HMGCLL1: variants seen among roughly 807,000 people sequenced by gnomAD.
The protein encoded by HMGCLL1 is 3-hydroxy-3-methylglutaryl-CoA lyase like 1.
In HMGCLL1, 36 loss-of-function variants were observed where a neutral mutation model predicts 39.1. The ratio of observed to expected loss-of-function variants is 0.92; its 90% CI spans 0.71 to 1.22. The LOEUF (loss-of-function observed/expected upper bound fraction) is 1.22. Among genes scored for constraint, HMGCLL1 ranks in the 50% most tolerant of loss-of-function variants. The probability of loss-of-function intolerance (pLI) is 0.00; values close to 1 mark genes in which losing one functional copy is unlikely to be tolerated. For missense variants in HMGCLL1, 451 were observed against 416.5 expected, an observed-to-expected ratio of 1.08 and a Z score of -0.72; for synonymous variants, 149 against 144.0, an observed-to-expected ratio of 1.03 and a Z score of -0.25.
At chr6:55,559,183 A>G (rs1770815965) in intron 1 of HMGCLL1, among the ~76,000 whole-genome samples, 1 of 152,208 alleles carries the variant, frequency 6.6e-6, no homozygotes, top group Admixed American at 6.5e-5. Context: ...CCCGCCAAAA[A>G]AAGTCCACGA....
At chr6:55,581,279 G>C (rs530174579), upstream of HMGCLL1, among the ~76,000 whole-genome samples, 1 of 151,986 alleles carries the variant, frequency 6.6e-6, no homozygotes, top group Non-Finnish European at 1.5e-5. Flanking sequence ...ATAGTGATAC[G>C]TGTTTTTTTA....
intron 7 of HMGCLL1, among the ~76,000 whole-genome samples, chr6:55,448,632 C>T (rs1416766029): frequency 6.6e-6 from 1 of 152,042 alleles, no homozygotes; most frequent in African/African-American, 2.4e-5. Context: ...CATTCAAATT[C>T]TGTAGATGAT....
At chr6:55,569,317 G>A (rs964714688) in intron 1 of HMGCLL1, among the ~76,000 whole-genome samples, 1 of 152,154 alleles carries the variant, frequency 6.6e-6, no homozygotes, top group African/African-American at 2.4e-5. Context: ...TACAGGGGTA[G>A]AGGAGTAGCA....
At chr6:55,569,620 A>ATTGT (rs1464161070) in intron 1 of HMGCLL1, among the ~76,000 whole-genome samples, 1 of 152,206 alleles carries the variant, frequency 6.6e-6, no homozygotes. Flanking sequence ...TGTAAGGATT[A>ATTGT]AATGAGCTAC....
chr6:55,555,263 T>C (rs1177921290), intron 1 of HMGCLL1, among the ~76,000 whole-genome samples: 2 of 152,158 alleles, frequency 1.3e-5, no homozygotes, highest in Non-Finnish European at 2.9e-5. Context: ...TCTTCCCCTA[T>C]ATATATCTGT....
At chr6:55,490,375 A>G (rs1031624328) in intron 7 of HMGCLL1, among the ~76,000 whole-genome samples, 6 of 152,172 alleles carry the variant, frequency 3.9e-5, no homozygotes, top group African/African-American at 1.2e-4. Context: ...AAACTGTTAA[A>G]CTGTGATTAA....
chr6:55,535,270 C>T (rs949410716), intron 3 of HMGCLL1, among the ~76,000 whole-genome samples: 7 of 152,122 alleles, frequency 4.6e-5, no homozygotes, highest in African/African-American at 1.4e-4. Context: ...AGAAAATGAA[C>T]CATGACAACT....
At chr6:55,536,638 T>A (rs964404993) in intron 3 of HMGCLL1, among the ~76,000 whole-genome samples, 3 of 147,832 alleles carry the variant, frequency 2.0e-5, no homozygotes, top group African/African-American at 7.5e-5. Flanking sequence ...AATGTTCTTA[T>A]ATTTCATGTC....
intron 7 of HMGCLL1, among the ~76,000 whole-genome samples, chr6:55,491,449 A>C (rs1163138328): frequency 6.6e-6 from 1 of 152,206 alleles, no homozygotes; most frequent in Non-Finnish European, 1.5e-5. Flanking sequence ...GAAAAACATT[A>C]TGAGAAAAGG....
chr6:55,527,632 C>T (rs1225812028), intron 3 of HMGCLL1, among the ~76,000 whole-genome samples: 1 of 151,996 alleles, frequency 6.6e-6, no homozygotes, highest in African/African-American at 2.4e-5. Context: ...CAGATGATGA[C>T]ACTGATAAGA....
At chr6:55,617,402 CTG>C in the HMGCLL1 span, among the ~76,000 whole-genome samples, 3 of 152,042 alleles carry the variant, frequency 2.0e-5, no homozygotes, top group Non-Finnish European at 4.4e-5. Flanking sequence ...AGGAGTTAGA[CTG>C]TGAAGAGGTT....
chr6:55,589,024 A>C, the HMGCLL1 span, among the ~76,000 whole-genome samples: 1 of 152,200 alleles, frequency 6.6e-6, no homozygotes, highest in Non-Finnish European at 1.5e-5. Context: ...CAATCAATAG[A>C]AAAAGAGGGA....
intron 7 of HMGCLL1, among the ~76,000 whole-genome samples, chr6:55,481,277 C>T (rs1001480045): frequency 1.3e-5 from 2 of 151,784 alleles, no homozygotes; most frequent in African/African-American, 4.8e-5. Flanking sequence ...ACTTGGGAGG[C>T]TGAGGTGGGA....
the HMGCLL1 span, among the ~76,000 whole-genome samples, chr6:55,598,187 T>C: frequency 6.6e-6 from 1 of 152,200 alleles, no homozygotes; most frequent in African/African-American, 2.4e-5. Context: ...TCTATTGCCA[T>C]GACTGTTGCC....
At chr6:55,662,391 G>C in the HMGCLL1 span, among the ~76,000 whole-genome samples, 2 of 151,814 alleles carry the variant, frequency 1.3e-5, no homozygotes, top group African/African-American at 2.4e-5. Flanking sequence ...TTTTTAACAA[G>C]AGGGCTGTCG....
chr6:55,623,573 A>G, the HMGCLL1 span, among the ~76,000 whole-genome samples: 1 of 151,630 alleles, frequency 6.6e-6, no homozygotes. Flanking sequence ...TACACACACC[A>G]CAATGGAGCA....
intron 1 of HMGCLL1, among the ~76,000 whole-genome samples, chr6:55,558,277 T>C (rs1453816098): frequency 2.6e-5 from 4 of 152,224 alleles, no homozygotes; most frequent in African/African-American, 9.6e-5. Context: ...CTTCTTAAAA[T>C]GAGGGCCATT....
intron 3 of HMGCLL1, among the ~76,000 whole-genome samples, chr6:55,522,547 A>G (rs1283271579): frequency 6.6e-6 from 1 of 152,010 alleles, no homozygotes; most frequent in Non-Finnish European, 1.5e-5. Context: ...TTTTGACAAG[A>G]GTTGACTCCT....
At chr6:55,659,404 C>T in the HMGCLL1 span, among the ~76,000 whole-genome samples, 522 of 152,032 alleles carry the variant, frequency 3.4e-3, 3 homozygotes, top group African/African-American at 0.012. Flanking sequence ...CCACTTCTCG[C>T]TCTTTGTCTC....
Sources: gnomAD v4.1 joint callset for allele counts (sites outside exome capture counted in the v4.1 genomes callset) on GRCh38, gnomAD v4.1.1 for gene constraint, MANE v1.5 for transcripts, NCBI Gene and HGNC (gene_info 2026-07-23, HGNC 2026-07-21) for gene names.